SLC4A8: variants seen among roughly 807,000 people sequenced by gnomAD.
SLC4A8 encodes solute carrier family 4 member 8, also known as electroneutral sodium bicarbonate exchanger 1.
Under a neutral mutation model 125.0 loss-of-function variants are expected in SLC4A8, and 40 were observed. The ratio of observed to expected loss-of-function variants is 0.32; its 90% CI spans 0.25 to 0.42. The LOEUF (loss-of-function observed/expected upper bound fraction) is 0.42, where lower values mean the gene tolerates loss of function less well. Ranked by LOEUF, SLC4A8 falls within the 10% of genes least tolerant of loss-of-function variation. The pLI is 1.00. For synonymous variants in SLC4A8, 456 were observed against 476.0 expected, an observed-to-expected ratio of 0.96 and a Z score of 0.55; for missense variants, 863 against 1,355.1, an observed-to-expected ratio of 0.64 and a Z score of 5.70.
chr12:51,398,411 G>T (rs1948306694), intron 1 of SLC4A8, among the ~76,000 whole-genome samples: 1 of 152,094 alleles, frequency 6.6e-6, no homozygotes, highest in Admixed American at 6.5e-5. Context: ...AATCACACAA[G>T]ATCATCTCCT....
intron 3 of SLC4A8, among the ~76,000 whole-genome samples, chr12:51,451,380 A>G (rs186115081): frequency 4.6e-5 from 7 of 152,274 alleles, no homozygotes; most frequent in African/African-American, 1.7e-4. Flanking sequence ...AGGTACTGGG[A>G]TTGCAGGCGT....
Position 51,463,730 on chromosome 12 carries a change from T to C in SLC4A8, c.1349+16T>C, listed in dbSNP as rs755670184. 2 of 1,560,960 alleles carry C rather than the reference T, an allele frequency of 1.3e-6. No individual in the cohort carries two copies. The highest frequency in any genetic ancestry group is 3.4e-5 in the Admixed American group (2 of 59,510). ...GCACTGGGCGGTAAGTCCTGGGACGTTTCACAGCGATGCTGCTTATTGGGT... is the reference window on the plus strand; with the variant it reads ...GCACTGGGCGGTAAGTCCTGGGACGCTTCACAGCGATGCTGCTTATTGGGT... On this transcript the variant is annotated intron_variant, in intron 11 of 24. Coordinates refer to ENST00000453097, the MANE Select transcript of SLC4A8 (RefSeq NM_001039960.3).
chr12:51,479,802 ATATT>A (rs1222933620), intron 16 of SLC4A8, among the ~76,000 whole-genome samples: 1 of 152,098 alleles, frequency 6.6e-6, no homozygotes, highest in African/African-American at 2.4e-5. Context: ...TATAAAATCA[ATATT>A]TAAGATTATA....
chr12:51,503,957 G>T (rs924541497), intron 22 of SLC4A8, 72 bp from the exon 23 acceptor site: 7 of 771,118 alleles, frequency 9.1e-6, no homozygotes, highest in Non-Finnish European at 1.3e-5. Flanking sequence ...TAGAAATTGT[G>T]GTAGAAGAAT....
chr12:51,477,080 T>G (rs973635927), intron 16 of SLC4A8, among the ~76,000 whole-genome samples: 8 of 151,820 alleles, frequency 5.3e-5, no homozygotes, highest in Non-Finnish European at 2.9e-5. Context: ...AATTTTGTAT[T>G]TTTAGTAGAG....
chr12:51,446,036 A>G (rs11609034), intron 2 of SLC4A8, among the ~76,000 whole-genome samples: 5,126 of 152,280 alleles, frequency 0.034, 168 homozygotes, highest in Non-Finnish European at 0.045. Flanking sequence ...TAATGAGTTA[A>G]CAAATTGTAT....
chr12:51,463,192 C>T (rs1253185276), intron 10 of SLC4A8, among the ~76,000 whole-genome samples: 1 of 152,098 alleles, frequency 6.6e-6, no homozygotes, highest in African/African-American at 2.4e-5. Flanking sequence ...ATTCAGCCTT[C>T]CCAGGAACAT....
intron 1 of SLC4A8, among the ~76,000 whole-genome samples, chr12:51,395,833 T>A (rs1021996): frequency 3.9e-5 from 6 of 152,292 alleles, no homozygotes; most frequent in Admixed American, 6.5e-5. Flanking sequence ...TAATGATACC[T>A]GGGGTTGTTA....
At chr12:51,424,022 G>A (rs1485066854), upstream of SLC4A8, among the ~76,000 whole-genome samples, 1 of 100,354 alleles carries the variant, frequency 1.0e-5, no homozygotes, top group African/African-American at 3.8e-5. Context: ...GGCAACAAGA[G>A]TGAAACTTCG....
At position 51,469,657 on chromosome 12, in the gene SLC4A8, T is replaced by C. The variant is rs778843909; in HGVS notation, c.1393T>C (p.Trp465Arg). 1 of 1,613,914 alleles carries C rather than the reference T, an allele frequency of 6.2e-7. No homozygotes were observed. The highest frequency in any genetic ancestry group is 8.5e-7 in the Non-Finnish European group (1 of 1,179,996). Reference protein sequence around the residue: ...LVLDIKRKAPWYWSDYRDALS... With the variant: ...LVLDIKRKAPRYWSDYRDALS... ...GCTGGACATCAAGCGGAAGGCCCCC[T>C]GGTACTGGAGCGACTACCGAGATGC... The change falls in exon 12 of 25, where the codon TGG becomes CGG. Residue 465 changes from tryptophan to arginine, a missense_variant. Trp to Arg is a moderately radical substitution (Grantham distance 101). Transcript: ENST00000453097.
intron 17 of SLC4A8, among the ~76,000 whole-genome samples, chr12:51,487,593 G>T (rs949956307): frequency 3.3e-5 from 5 of 152,192 alleles, no homozygotes; most frequent in African/African-American, 1.2e-4. Flanking sequence ...TGCCAAAAAA[G>T]GGCGAACTTG....
At chr12:51,456,228 T>C (rs1223881600) in intron 5 of SLC4A8, among the ~76,000 whole-genome samples, 4 of 152,126 alleles carry the variant, frequency 2.6e-5, no homozygotes, top group Non-Finnish European at 5.9e-5. Context: ...GTTCTTTTTT[T>C]TCCCCCAAGA....
intron 1 of SLC4A8, among the ~76,000 whole-genome samples, chr12:51,404,381 A>G (rs948989170): frequency 6.6e-6 from 1 of 152,140 alleles, no homozygotes; most frequent in Non-Finnish European, 1.5e-5. Flanking sequence ...TTCTTAGTCC[A>G]TGAAATTCAG....
Position 51,504,069 on chromosome 12 carries a change from C to A in SLC4A8, c.3122C>A (p.Pro1041His). The change falls in exon 23 of 25, where the codon CCC becomes CAC. Residue 1041 changes from proline to histidine, a missense_variant. Around this residue, in one of 6 missense-constraint regions of SLC4A8, gnomAD observed 92 missense variants for 125.6 expected, o/e 0.73. Coordinates refer to ENST00000453097, the MANE Select transcript of SLC4A8 (RefSeq NM_001039960.3). The stretch of plus-strand genomic sequence containing the variant: ...TTAGAAATTGGGGGAGACAAGTTTC[C>A]CTTAGAGAGCAGGAAGTTACTAAGT... ...KMLEIGGDKF[P>H]LESRKLLSSP... 1 of 1,589,408 alleles carries A rather than the reference C, an allele frequency of 6.3e-7. No homozygotes were observed. Among genetic ancestry groups the A allele is most frequent in the East Asian group, 2.3e-5 (1 of 44,284 alleles).
intron 1 of SLC4A8, among the ~76,000 whole-genome samples, chr12:51,427,218 G>A (rs766635654): frequency 1.3e-5 from 2 of 152,108 alleles, no homozygotes; most frequent in Non-Finnish European, 2.9e-5. Context: ...GATTACAGAC[G>A]TGAGCCACCG....
chr12:51,474,267 A>G, intron 14 of SLC4A8, 75 bp from the exon 15 acceptor site: 1 of 973,812 alleles, frequency 1.0e-6, no homozygotes, highest in Non-Finnish European at 1.6e-6. Context: ...ACAGCCTTTA[A>G]ACCAGTTGTT....
intron 1 of SLC4A8, among the ~76,000 whole-genome samples, chr12:51,432,701 G>A (rs1331480024): frequency 6.6e-6 from 1 of 152,104 alleles, no homozygotes; most frequent in Non-Finnish European, 1.5e-5. Flanking sequence ...CCAGCCTGGT[G>A]ACAGAGCGAG....
At chr12:51,462,210 TA>T in intron 9 of SLC4A8, 99 bp from the exon 10 acceptor site, 1 of 1,119,096 alleles carries the variant, frequency 8.9e-7, no homozygotes, top group Non-Finnish European at 1.4e-6. Flanking sequence ...GTGACAGAGA[TA>T]AAAATCAACA....
intron 1 of SLC4A8, chr12:51,402,969 G>C: frequency 3.2e-6 from 1 of 317,350 alleles, no homozygotes; most frequent in East Asian, 7.9e-5. Context: ...ATCCCCCCCA[G>C]TGAAAGGAGA....
Sources: gnomAD v4.1 joint callset for allele counts (sites outside exome capture counted in the v4.1 genomes callset) on GRCh38, gnomAD v4.1.1 for gene constraint, gnomAD v4.1.1 regional missense constraint, MANE v1.5 for transcripts, NCBI Gene and HGNC (gene_info 2026-07-23, HGNC 2026-07-21) for gene names.